Variants in PHACTR2 observed in about 807,000 individuals in gnomAD.
PHACTR2 encodes phosphatase and actin regulator 2.
A neutral mutation model predicts 76.0 loss-of-function variants in PHACTR2; 30 were observed. The ratio of observed to expected loss-of-function variants is 0.39; its 90% CI spans 0.30 to 0.54. The LOEUF (loss-of-function observed/expected upper bound fraction) is 0.54, where lower values mean the gene tolerates loss of function less well. Ranked by LOEUF, PHACTR2 falls within the 20% of genes least tolerant of loss-of-function variation. PHACTR2 has a pLI of 0.61. For missense variants in PHACTR2, 696 were observed against 781.1 expected (o/e 0.89, Z 1.30); for synonymous variants, 292 against 292.5 (o/e 1.00, Z 0.02).
rs1041717699 is a variant in PHACTR2 at position 143,648,423 on chromosome 6, T to A, written c.13+40101T>A. Among the ~76,000 whole-genome samples, 2 of 152,136 alleles carry A rather than the reference T, an allele frequency of 1.3e-5. No individual in the cohort carries two copies. The highest frequency in any genetic ancestry group is 2.9e-5 in the Non-Finnish European group (2 of 68,024). ...AAAGGGCAAAGGGGTAGAAAATGGA[T>A]CTGACTGTCTCTGCACTGGGAGTCC... On this transcript the variant is annotated intron_variant, in intron 1 of 11. Coordinates refer to the PHACTR2 transcript ENST00000305766. This position sits in a 1 kb window ranked among gnomAD's most constrained non-coding sequence, Gnocchi z 6.7.
chr6:143,756,835 G>A (rs1779311777), intron 4 of PHACTR2, among the ~76,000 whole-genome samples: 1 of 152,186 alleles, frequency 6.6e-6, no homozygotes, highest in African/African-American at 2.4e-5. Context: ...ATCAGCTGAG[G>A]TCAGGAGTTC....
At chr6:143,748,398 C>A (rs1582837748) in intron 2 of PHACTR2, among the ~76,000 whole-genome samples, 1 of 152,206 alleles carries the variant, frequency 6.6e-6, no homozygotes, top group African/African-American at 2.4e-5. Flanking sequence ...CCTTCTCCAT[C>A]CTCCTAAGAC....
intron 2 of PHACTR2, among the ~76,000 whole-genome samples, chr6:143,746,461 C>G (rs1779069415): frequency 6.6e-6 from 1 of 152,132 alleles, no homozygotes; most frequent in South Asian, 2.1e-4. Context: ...AGAATGTGGC[C>G]CGATCCCTAG....
chr6:143,739,503 A>G lies in PHACTR2; in HGVS notation c.215-9482A>G, dbSNP rs1181277745. Among the ~76,000 whole-genome samples, 6 of 152,208 alleles carry G rather than the reference A, an allele frequency of 3.9e-5. No individual in the cohort carries two copies. The highest frequency in any genetic ancestry group is 8.8e-5 in the Non-Finnish European group (6 of 68,024). ...GGTGTCACTGTGTCTTAGGTTTACC[A>G]TCTTTTACTGTAAAGAAACAGGAAA... On this transcript the variant is annotated intron_variant, in intron 2 of 12. Transcript: ENST00000440869. This position sits in a 1 kb window ranked among gnomAD's most constrained non-coding sequence, Gnocchi z 4.3.
intron 1 of PHACTR2, among the ~76,000 whole-genome samples, chr6:143,666,737 T>C (rs1777044474): frequency 1.3e-5 from 2 of 152,252 alleles, no homozygotes; most frequent in South Asian, 4.1e-4. Flanking sequence ...TTGTTTTTTC[T>C]TGTAAATTTG....
chr6:143,550,451 G>A lies in PHACTR2; in HGVS notation c.217+13244G>A, dbSNP rs957695470. On this transcript the variant is annotated intron_variant, in intron 1 of 11. Coordinates refer to the PHACTR2 transcript ENST00000367584. This position sits in a 1 kb window ranked among gnomAD's most constrained non-coding sequence, Gnocchi z 4.8. ...CTTAAAAGTCTACTCTTGCTTTCCT[G>A]TTTGGCAAACCTTACTATATATTAT... is the stretch of plus-strand genomic sequence containing the variant. 3.3e-5 allele frequency among the ~76,000 whole-genome samples: 5 copies of A among 151,952 alleles called. No individual in the cohort carries two copies. The highest frequency in any genetic ancestry group is 4.4e-5 in the Non-Finnish European group (3 of 67,948).
At position 143,625,732 on chromosome 6, in the gene PHACTR2, T is replaced by C. The variant is rs886292415; in HGVS notation, c.13+17410T>C. On this transcript the variant is annotated intron_variant, in intron 1 of 11. Coordinates refer to the PHACTR2 transcript ENST00000305766. This position sits in a 1 kb window ranked among gnomAD's most constrained non-coding sequence, Gnocchi z 4.3. ...ATTGAGTGCCTACTGGGTCAGGCAC[T>C]CTTCCGGGTGCAGTGAATGGGGCAG... Among the ~76,000 whole-genome samples the C allele has an allele frequency of 6.6e-6, 1 of 152,244 alleles. No homozygotes were observed. Among genetic ancestry groups the C allele is most frequent in the African/African-American group, 2.4e-5 (1 of 41,460 alleles).
In PHACTR2 at chr6:143,765,250, C is replaced by T; in HGVS notation, c.695-11C>T. ...TCTTTGATTTTTTAATGCAAGGTCTCTCTATTGTAGCTGGCTCCTCTCATT... is the reference window on the plus strand; with the variant it reads ...TCTTTGATTTTTTAATGCAAGGTCTTTCTATTGTAGCTGGCTCCTCTCATT... On this transcript the variant is annotated splice_polypyrimidine_tract_variant and intron_variant, in intron 5 of 12. Coordinates refer to ENST00000440869, the MANE Select transcript of PHACTR2 (RefSeq NM_001100164.2). This position sits in a 1 kb window ranked among gnomAD's most constrained non-coding sequence, Gnocchi z 4.1. 1 of 1,600,294 alleles carries T rather than the reference C, an allele frequency of 6.2e-7. No individual in the cohort carries two copies. The highest frequency in any genetic ancestry group is 8.5e-7 in the Non-Finnish European group (1 of 1,173,362).
intron 4 of PHACTR2, among the ~76,000 whole-genome samples, chr6:143,758,084 G>T (rs1461966794): frequency 6.6e-6 from 1 of 152,210 alleles, no homozygotes; most frequent in Non-Finnish European, 1.5e-5. Flanking sequence ...GGAGCCAGGA[G>T]AAAGTCTGTT....
rs1316271358 is a variant in PHACTR2 at position 143,782,261 on chromosome 6, TAGA to T, written c.1646-952_1646-950del. Among the ~76,000 whole-genome samples the T allele has an allele frequency of 6.6e-6, 1 of 152,082 alleles. No homozygotes were observed. Among genetic ancestry groups the T allele is most frequent in the Non-Finnish European group, 1.5e-5 (1 of 68,014 alleles). On this transcript the variant is annotated intron_variant, in intron 9 of 12. Transcript: ENST00000440869. This position sits in a 1 kb window ranked among gnomAD's most constrained non-coding sequence, Gnocchi z 4.6. ...ATAAAAATAAAAATAAATAAACAAA[TAGA>T]AGAAGTTTTCCTTTTTCAACCTTTT...
intron 2 of PHACTR2, among the ~76,000 whole-genome samples, chr6:143,734,236 T>C (rs563637489): frequency 6.6e-6 from 1 of 152,348 alleles, no homozygotes; most frequent in African/African-American, 2.4e-5. Flanking sequence ...GCTTCCACCA[T>C]GGGTTTAGAA....
intron 1 of PHACTR2, among the ~76,000 whole-genome samples, chr6:143,577,278 A>G (rs975875084): frequency 6.6e-6 from 1 of 152,218 alleles, no homozygotes; most frequent in East Asian, 1.9e-4. Context: ...AAAGTAGCCA[A>G]CTTGGTCCCT....
rs142591719 is a variant in PHACTR2 at position 143,718,300 on chromosome 6, G to T, written c.214+6117G>T. ...CACTAAATCATCAGTACAACCTCAT[G>T]AACTGCAATCTTTAAGGGCTACTAT... On this transcript the variant is annotated intron_variant, in intron 2 of 12. Coordinates refer to ENST00000440869, the MANE Select transcript of PHACTR2 (RefSeq NM_001100164.2). 1.7e-3 allele frequency among the ~76,000 whole-genome samples: 252 copies of T among 152,298 alleles called. 1 individual carries two copies. The highest frequency in any genetic ancestry group is 5.7e-3 in the African/African-American group (236 of 41,560).
chr6:143,586,473 A>T (rs9390118), intron 1 of PHACTR2, among the ~76,000 whole-genome samples: 7 of 151,808 alleles, frequency 4.6e-5, no homozygotes, highest in African/African-American at 1.7e-4. Context: ...CTTAGCCCAC[A>T]AGGGTTCTTG....
chr6:143,816,927 G>T lies in PHACTR2; in HGVS notation c.1923-6747G>T, dbSNP rs1776308118. Reference sequence around the variant, plus strand: ...CAAAAAATACAAAAATTAGCCAAGTGTGGTGGCGAGTGCCTGTATTCCCAG... The same window carrying T: ...CAAAAAATACAAAAATTAGCCAAGTTTGGTGGCGAGTGCCTGTATTCCCAG... On this transcript the variant is annotated intron_variant, in intron 12 of 12. Coordinates refer to ENST00000440869, the MANE Select transcript of PHACTR2 (RefSeq NM_001100164.2). The surrounding 1 kb of genome is among the most constrained non-coding windows in gnomAD (Gnocchi z 4.5). Among the ~76,000 whole-genome samples, 1 of 152,086 alleles carries T rather than the reference G, an allele frequency of 6.6e-6. No individual in the cohort carries two copies. The highest frequency in any genetic ancestry group is 1.5e-5 in the Non-Finnish European group (1 of 68,012).
rs917437135 is a variant in PHACTR2, at chr6:143,570,024, A to C, written c.217+32817A>C. The stretch of plus-strand genomic sequence containing the variant: ...TGAATGAGTAAACATTACTATAAAA[A>C]ATGTTTAAATCTAGGAACCTAAATA... On this transcript the variant is annotated intron_variant, in intron 1 of 11. Transcript: ENST00000367584. This position sits in a 1 kb window ranked among gnomAD's most constrained non-coding sequence, Gnocchi z 4.6. Among the ~76,000 whole-genome samples, 8 of 152,212 alleles carry C rather than the reference A, an allele frequency of 5.3e-5. No homozygotes were observed. The highest frequency in any genetic ancestry group is 1.9e-4 in the African/African-American group (8 of 41,448).
rs568686883 is a variant in PHACTR2, at chr6:143,695,841, C to A, written c.47-16175C>A. ...CACATGTGGAAACAACAGTAAAATG[C>A]AACTTCCTGTGTTTAGCAGCCGTAG... On this transcript the variant is annotated intron_variant, in intron 1 of 12. Transcript: ENST00000440869. The surrounding 1 kb of genome is among the most constrained non-coding windows in gnomAD (Gnocchi z 4.4). Among the ~76,000 whole-genome samples, 1 of 152,200 alleles carries A rather than the reference C, an allele frequency of 6.6e-6. No individual in the cohort carries two copies. The highest frequency in any genetic ancestry group is 1.5e-5 in the Non-Finnish European group (1 of 68,030).
At chr6:143,572,855 C>G (rs1775462984) in intron 1 of PHACTR2, among the ~76,000 whole-genome samples, 12 of 152,182 alleles carry the variant, frequency 7.9e-5, no homozygotes, top group Admixed American at 7.9e-4. Flanking sequence ...GCCCAGCCAA[C>G]AGTGGTTTAT....
intron 1 of PHACTR2, among the ~76,000 whole-genome samples, chr6:143,626,801 A>G (rs950032490): frequency 6.6e-6 from 1 of 152,182 alleles, no homozygotes; most frequent in Admixed American, 6.5e-5. Context: ...AAAGAAAGAC[A>G]GGGAAGGGTT....
Sources: gnomAD v4.1 joint callset for allele counts (sites outside exome capture counted in the v4.1 genomes callset) on GRCh38, gnomAD v4.1.1 for gene constraint, Gnocchi (gnomAD v3.1) non-coding constraint, MANE v1.5 for transcripts, NCBI Gene and HGNC (gene_info 2026-07-23, HGNC 2026-07-21) for gene names.